Variants in ZNF446 observed in about 807,000 individuals in gnomAD.
The protein encoded by ZNF446 is zinc finger protein with KRAB and SCAN domains 20.
ZNF446 carries 42 observed loss-of-function variants against 34.0 expected under a neutral mutation model. The ratio of observed to expected loss-of-function variants is 1.23; its 90% confidence interval spans 0.96 to 1.60. ZNF446 has a LOEUF of 1.60. Ranked by LOEUF, ZNF446 falls within the 40% of genes most tolerant of loss-of-function variation. The probability of loss-of-function intolerance (pLI) is 0.00; values close to 1 mark genes in which losing one functional copy is unlikely to be tolerated. For missense variants in ZNF446, 650 were observed against 600.2 expected (o/e 1.08, Z -0.87); for synonymous variants, 315 against 251.0 (o/e 1.25, Z -2.41).
chr19:58,479,807 T>G (rs759093965), intron 5 of ZNF446, 80 bp downstream of exon 5: 2 of 1,501,340 alleles, frequency 1.3e-6, no homozygotes, highest in South Asian at 2.3e-5. Flanking sequence ...GGGCAGGGCC[T>G]CTGTGCTACC....
chr19:58,484,594 G>A (rs556444445), downstream of ZNF446, among the ~76,000 whole-genome samples: 1 of 152,098 alleles, frequency 6.6e-6, no homozygotes, highest in East Asian at 1.9e-4. Flanking sequence ...CACTTTGGGA[G>A]GCAAAGGCGG....
At position 58,477,719 on chromosome 19, in the gene ZNF446, G is replaced by T. The variant is rs765409379; in HGVS notation, c.425G>T (p.Gly142Val). ...CCACTTGGGAGCCCCCACCCCTCAG[G>T]GACAGTGGAGTCCCCTGGGGAAGGT... is the stretch of plus-strand genomic sequence containing the variant. Reference protein sequence around the residue: ...EEPLGSPHPSGTVESPGEGPQ... With the variant: ...EEPLGSPHPSVTVESPGEGPQ... Residue 142 changes from glycine to valine, a missense_variant, in exon 3 of 7, where the codon GGG (glycine) becomes GTG (valine). Physicochemically the swap from Gly to Val is moderately radical, Grantham distance 109 (BLOSUM62 -3). Coordinates refer to ENST00000594369, the MANE Select transcript of ZNF446 (RefSeq NM_017908.4). 6.2e-7 allele frequency: 1 copy of T among 1,613,738 alleles called. No homozygotes were observed.
chr19:58,479,880 C>CCCCT, intron 5 of ZNF446, 50 bp from the exon 6 acceptor site: 2 of 1,447,468 alleles, frequency 1.4e-6, no homozygotes, highest in Middle Eastern at 1.7e-4. Flanking sequence ...ACCGACCCCA[C>CCCCT]CCCTCCTTCA....
chr19:58,484,406 C>CA (rs1010225109), downstream of ZNF446, among the ~76,000 whole-genome samples: 25 of 146,304 alleles, frequency 1.7e-4, no homozygotes, highest in Admixed American at 9.8e-4. Flanking sequence ...GTTGAGGCTA[C>CA]AGTGAGCCAA....
At position 58,479,993 on chromosome 19, in the gene ZNF446, C is replaced by T. The variant is rs1290567124; in HGVS notation, c.776C>T (p.Thr259Ile). ...QSELGMLLTG[T>I]GVCRSLRSGN... is the part of the protein sequence containing the mutation. ...GAGCTGGGGATGCTGCTCACGGGGA[C>T]AGGCGTCTGCAGAAGCCTGCGCTCG... The change falls in exon 6 of 7, where the codon ACA becomes ATA. Residue 259 changes from threonine to isoleucine, a missense_variant. Transcript: ENST00000594369. 6.3e-7 allele frequency: 1 copy of T among 1,588,948 alleles called. No individual in the cohort carries two copies. Among genetic ancestry groups the T allele is most frequent in the Non-Finnish European group, 8.5e-7 (1 of 1,170,682 alleles).
At chr19:58,485,729 A>G (rs987591961), downstream of ZNF446, among the ~76,000 whole-genome samples, 2 of 152,128 alleles carry the variant, frequency 1.3e-5, no homozygotes, top group Non-Finnish European at 2.9e-5. Context: ...AAATACTAGG[A>G]TATTTTTAAT....
rs1600006750 is a variant in ZNF446, at chr19:58,477,036, C to T, written c.-40-143C>T. On this transcript the variant is annotated intron_variant, in intron 1 of 6. Coordinates refer to ENST00000594369, the MANE Select transcript of ZNF446 (RefSeq NM_017908.4). ...TTGTTTGGGTCCTGTGACCCTCCTC[C>T]TTCCATGAAGCTTTCTTGGCCTTAT... 5 of 568,192 alleles carry T rather than the reference C, an allele frequency of 8.8e-6. No individual in the cohort carries two copies. In the East Asian group the frequency reaches 1.1e-4, roughly 13 times the overall value. 35.2% of individuals were successfully genotyped at this position (568,192 alleles called of 1,614,324 possible).
downstream of ZNF446, among the ~76,000 whole-genome samples, chr19:58,484,270 C>CT (rs1180735842): frequency 6.1e-5 from 6 of 98,298 alleles, no homozygotes; most frequent in African/African-American, 8.1e-5. Context: ...GACCCCATCT[C>CT]TAAAAAAAAA....
In ZNF446 at chr19:58,480,981, G is replaced by T; in HGVS notation, c.*255G>T. 1 of 524,180 alleles carries T rather than the reference G, an allele frequency of 1.9e-6. No individual in the cohort carries two copies. The highest frequency in any genetic ancestry group is 3.4e-6 in the Non-Finnish European group (1 of 292,990). 32.5% of individuals were successfully genotyped at this position (524,180 alleles called of 1,614,324 possible). A position where few individuals can be genotyped will look rare whatever the true frequency, so the allele number is the denominator to read the frequency against. ...CTTCTATGGCTGACCAGTGCCTGTG[G>T]GGTGACTGCCAAGCACCAGGCTCCC... On this transcript the variant is annotated 3_prime_UTR_variant, in exon 7 of 7. Transcript: ENST00000594369. The surrounding 1 kb of genome is among the most constrained non-coding windows in gnomAD (Gnocchi z 7.2).
the ZNF446 span, among the ~76,000 whole-genome samples, chr19:58,487,018 T>TCTCGGTCTC: frequency 3.3e-5 from 5 of 151,668 alleles, no homozygotes; most frequent in African/African-American, 1.2e-4. Flanking sequence ...GCCAGGATGG[T>TCTCGGTCTC]CTGACCTTGT....
chr19:58,488,848 C>CAAAAAA, the ZNF446 span, among the ~76,000 whole-genome samples: 4 of 102,314 alleles, frequency 3.9e-5, no homozygotes, highest in Non-Finnish European at 5.7e-5. Context: ...AAGACTCCGT[C>CAAAAAA]AAAAAAAAAA....
chr19:58,485,403 G>A (rs144673303), downstream of ZNF446, among the ~76,000 whole-genome samples: 136 of 151,784 alleles, frequency 9.0e-4, 1 homozygote, highest in African/African-American at 3.1e-3. Context: ...CCAGCTACTC[G>A]GGAGGCTGAG....
Position 58,479,678 on chromosome 19 carries a change from A to G in ZNF446, c.663A>G (p.Glu221=), listed in dbSNP as rs780125941. The G allele has an allele frequency of 5.6e-6, 9 of 1,613,726 alleles. No individual in the cohort carries two copies. Among genetic ancestry groups the G allele is most frequent in the African/African-American group, 1.3e-5 (1 of 74,856 alleles). The change falls in exon 5 of 7, where the codon GAA becomes GAG. Residue 221 remains glutamate (E), a synonymous_variant. Transcript: ENST00000594369. ...EWGLLDRSQK[E]LYWDAMLEKY... is the part of the protein sequence containing the mutation. ...GGCTGCTGGACCGGTCACAGAAGGAACTGTACTGGGATGCGATGCTGGAGA... is the reference window on the plus strand; with the variant it reads ...GGCTGCTGGACCGGTCACAGAAGGAGCTGTACTGGGATGCGATGCTGGAGA...
intron 4 of ZNF446, among the ~76,000 whole-genome samples, chr19:58,478,856 C>T (rs1225490770): frequency 1.3e-5 from 2 of 151,936 alleles, no homozygotes; most frequent in Admixed American, 1.3e-4. Context: ...AGATGACCAG[C>T]TGTGGCAGGA....
intron 1 of ZNF446, 111 bp downstream of exon 1, chr19:58,476,615 C>G (rs2053088001): frequency 6.6e-6 from 1 of 152,264 alleles, no homozygotes; most frequent in African/African-American, 2.4e-5. Flanking sequence ...TTTTCGTTTT[C>G]ACATGCACGG....
rs764037567 is a variant in ZNF446, at chr19:58,479,616, G to A, written c.628-27G>A. ...CAGGGCAGGGAAGGGGTGGAAAGAC[G>A]CCTACAGTGATGGGCCACATCCGCA... is the stretch of plus-strand genomic sequence containing the variant. On this transcript the variant is annotated intron_variant, in intron 4 of 6. Coordinates refer to ENST00000594369, the MANE Select transcript of ZNF446 (RefSeq NM_017908.4). 4.0e-5 allele frequency: 65 copies of A among 1,611,028 alleles called. No individual in the cohort carries two copies. In the East Asian group the frequency reaches 7.1e-4, roughly 18 times the overall value.
At chr19:58,481,345 CCT>C (rs1249585912), downstream of ZNF446, 1 of 152,976 alleles carries the variant, frequency 6.5e-6, no homozygotes, top group African/African-American at 2.4e-5. Flanking sequence ...AACGGCCAAA[CCT>C]CTGTTGCCAC....
At position 58,480,109 on chromosome 19, in the gene ZNF446, C is replaced by T; in HGVS notation, c.803-67C>T. ...CTCATGGGGGGACGGGAGCTTGTGC[C>T]ACGGCCACAAGCCTGAGGGAGGGGT... On this transcript the variant is annotated intron_variant, in intron 6 of 6. Transcript: ENST00000594369. This position sits in a 1 kb window ranked among gnomAD's most constrained non-coding sequence, Gnocchi z 7.2. 1 of 1,563,046 alleles carries T rather than the reference C, an allele frequency of 6.4e-7. No individual in the cohort carries two copies. The highest frequency in any genetic ancestry group is 2.3e-5 in the East Asian group (1 of 43,158).
Position 58,477,446 on chromosome 19 carries a change from C to A in ZNF446, c.228C>A (p.Gly76=), listed in dbSNP as rs764689021. 1 of 1,613,548 alleles carries A rather than the reference C, an allele frequency of 6.2e-7. No individual in the cohort carries two copies. The highest frequency in any genetic ancestry group is 8.5e-7 in the Non-Finnish European group (1 of 1,180,018). ...LEMLVLEQFL[G]TLPPEIQAWV... ...TGCTGGTGCTGGAGCAGTTCCTGGG[C>A]ACACTGCCTCCCGAGATCCAGGCCT... The change falls in exon 2 of 7, where the codon GGC becomes GGA. Residue 76 remains glycine (G), a synonymous_variant. Transcript: ENST00000594369.
Sources: gnomAD v4.1 joint callset for allele counts (sites outside exome capture counted in the v4.1 genomes callset) on GRCh38, gnomAD v4.1.1 for gene constraint, Gnocchi (gnomAD v3.1) non-coding constraint, MANE v1.5 for transcripts, NCBI Gene and HGNC (gene_info 2026-07-23, HGNC 2026-07-21) for gene names.